DOC2A: variants seen among roughly 807,000 people sequenced by gnomAD.
The protein encoded by DOC2A is double C2-like domain-containing protein alpha.
In DOC2A, 28 loss-of-function variants were observed where a neutral mutation model predicts 40.6. The ratio of observed to expected loss-of-function variants is 0.69; its 90% CI spans 0.51 to 0.95. DOC2A has a LOEUF of 0.95. DOC2A is among the 40% of genes least tolerant of loss of function. The pLI, the probability that DOC2A is intolerant of heterozygous loss-of-function variation, is 0.00. For synonymous variants in DOC2A, 241 were observed against 236.9 expected (o/e 1.02, Z -0.16); for missense variants, 474 against 552.5 (o/e 0.86, Z 1.42).
chr16:30,007,040 A>G lies in DOC2A; in HGVS notation c.705T>C (p.Tyr235=), dbSNP rs777417275. ...CCATGAGGTGCCTCACCTCCTTCAG[A>G]TAACAGGAGATGCCCCTCAGCGCCG... ...MSAALRGISC[Y]LKELEQAEQG... is the part of the protein sequence containing the mutation. The change falls in exon 7 of 11, where the codon TAT becomes TAC. Residue 235 remains tyrosine (Y), a synonymous_variant. Coordinates refer to ENST00000350119, the MANE Select transcript of DOC2A (RefSeq NM_003586.3). The G allele has an allele frequency of 3.1e-6, 5 of 1,613,670 alleles. No individual in the cohort carries two copies. The highest frequency in any genetic ancestry group is 4.2e-6 in the Non-Finnish European group (5 of 1,179,924).
upstream of DOC2A, among the ~76,000 whole-genome samples, chr16:30,016,045 ATATATATATATTTTTTTTT>A (rs1362694984): frequency 2.6e-4 from 6 of 22,826 alleles, no homozygotes; most frequent in South Asian, 3.7e-3. Flanking sequence ...ATATATATAT[ATATATATATATTTTTTTTT>A]TTTTTTTTTT....
At chr16:30,017,987 A>T (rs1234130344) in intron 1 of DOC2A, among the ~76,000 whole-genome samples, 4 of 142,966 alleles carry the variant, frequency 2.8e-5, no homozygotes, top group Non-Finnish European at 6.1e-5. Context: ...AAGAAAGAAA[A>T]GAAAATTGAG....
In DOC2A at chr16:30,010,260, G is replaced by A. The variant is rs570428545; in HGVS notation, c.-13-25C>T. 1.2e-6 allele frequency: 2 copies of A among 1,611,072 alleles called. No individual in the cohort carries two copies. The highest frequency in any genetic ancestry group is 1.3e-5 in the African/African-American group (1 of 75,058). Reference sequence around the variant, plus strand: ...GCTAGGAGAGGGCGTGTGAGCCAGTGAGCCCATCATACCTAGCCATCCTGG... The same window carrying A: ...GCTAGGAGAGGGCGTGTGAGCCAGTAAGCCCATCATACCTAGCCATCCTGG... On this transcript the variant is annotated intron_variant, in intron 1 of 10. Coordinates refer to ENST00000350119, the MANE Select transcript of DOC2A (RefSeq NM_003586.3). The surrounding 1 kb of genome is among the most constrained non-coding windows in gnomAD (Gnocchi z 4.2).
At chr16:30,011,168 A>ACACACACGTGTGCTCGCGCGCG (rs1292622772), upstream of DOC2A, 2 of 626,780 alleles carry the variant, frequency 3.2e-6, no homozygotes, top group Non-Finnish European at 4.0e-6. Flanking sequence ...GCGAGCGCGC[A>ACACACACGTGTGCTCGCGCGCG]CACACACGTG....
Position 30,010,580 on chromosome 16 carries a change from C to A in DOC2A, c.-14+323G>T, listed in dbSNP as rs1320788766. The stretch of plus-strand genomic sequence containing the variant: ...CTGAGCCTGCCTGTCCCCCAAGGGG[C>A]CCTGCAGGGCCCCGCCTCTGTTTCT... On this transcript the variant is annotated intron_variant, in intron 1 of 10. Transcript: ENST00000350119. This position sits in a 1 kb window ranked among gnomAD's most constrained non-coding sequence, Gnocchi z 4.2. 2.8e-6 allele frequency: 1 copy of A among 352,634 alleles called. No homozygotes were observed. Among genetic ancestry groups the A allele is most frequent in the South Asian group, 2.7e-5 (1 of 36,814 alleles). The allele number at this position is 352,634 out of a possible 1,614,324, so 21.8% of individuals were successfully genotyped here.
upstream of DOC2A, among the ~76,000 whole-genome samples, chr16:30,013,778 G>A (rs921191342): frequency 1.3e-5 from 2 of 150,194 alleles, no homozygotes; most frequent in Non-Finnish European, 3.0e-5. Flanking sequence ...GCAATGGTGC[G>A]ATCTTGGCTC....
chr16:30,007,100 CAA>C lies in DOC2A; in HGVS notation c.655-12_655-11del. ...AAGAGGGGGACGCCAGCTGAGGGGG[CAA>C]AGAGAAGGTTCTGGAAGCCTGGCCT... On this transcript the variant is annotated splice_polypyrimidine_tract_variant and intron_variant, in intron 6 of 10. Coordinates refer to ENST00000350119, the MANE Select transcript of DOC2A (RefSeq NM_003586.3). 1.9e-6 allele frequency: 3 copies of C among 1,613,888 alleles called. No homozygotes were observed. Among genetic ancestry groups the C allele is most frequent in the Non-Finnish European group, 2.5e-6 (3 of 1,179,944 alleles).
intron 5 of DOC2A, 135 bp from the exon 6 acceptor site, chr16:30,007,434 G>A (rs1054847350): frequency 5.4e-5 from 70 of 1,295,150 alleles, no homozygotes; most frequent in Non-Finnish European, 7.4e-5. Flanking sequence ...ACTTGAGAAG[G>A]ACAAGCAGAT....
chr16:30,007,881 G>A (rs1344072443), intron 5 of DOC2A: 4 of 189,026 alleles, frequency 2.1e-5, no homozygotes, highest in African/African-American at 7.0e-5. Context: ...GTGACCTTGG[G>A]CAAGTCACTT....
upstream of DOC2A, among the ~76,000 whole-genome samples, chr16:30,021,941 A>G (rs549846578): frequency 6.6e-6 from 1 of 151,706 alleles, no homozygotes; most frequent in Non-Finnish European, 1.5e-5. Context: ...TCCCGTGTAT[A>G]AGGGAGGCAA....
upstream of DOC2A, chr16:30,012,298 G>C (rs770203926): frequency 6.6e-6 from 1 of 152,182 alleles, no homozygotes; most frequent in South Asian, 2.1e-4. Context: ...CTCCAGCGCC[G>C]TCAGGACTCG....
Position 30,006,530 on chromosome 16 carries a change from C to A in DOC2A, c.961-21G>T. ...AACTCCTAGGGACAAGGCCGGCCAC[C>A]CGTTCGTGAGCCAGCTCCCCAGCCC... On this transcript the variant is annotated intron_variant, in intron 9 of 10. Transcript: ENST00000350119. The surrounding 1 kb of genome is among the most constrained non-coding windows in gnomAD (Gnocchi z 6.2). The A allele has an allele frequency of 6.2e-7, 1 of 1,613,696 alleles. No individual in the cohort carries two copies. The highest frequency in any genetic ancestry group is 8.5e-7 in the Non-Finnish European group (1 of 1,179,766).
At chr16:30,015,701 C>CTT (rs71276819), upstream of DOC2A, among the ~76,000 whole-genome samples, 410 of 122,954 alleles carry the variant, frequency 3.3e-3, 2 homozygotes, top group Middle Eastern at 4.1e-3. Context: ...CTTCCTTTTT[C>CTT]TTTTTTTTTT....
At chr16:30,018,461 C>T (rs1768568529) in intron 1 of DOC2A, among the ~76,000 whole-genome samples, 1 of 152,120 alleles carries the variant, frequency 6.6e-6, no homozygotes, top group African/African-American at 2.4e-5. Flanking sequence ...TCTCGGATTA[C>T]AGGCATGAGC....
intron 6 of DOC2A, 23 bp downstream of exon 6, chr16:30,007,150 G>A (rs771202623): frequency 3.0e-5 from 49 of 1,613,596 alleles, no homozygotes; most frequent in East Asian, 6.7e-5. Context: ...CTCCCCTGGC[G>A]CCCCTGCAGC....
Position 30,010,367 on chromosome 16 carries a change from G to T in DOC2A, c.-13-132C>A. The T allele has an allele frequency of 7.8e-7, 1 of 1,274,240 alleles. No individual in the cohort carries two copies. The highest frequency in any genetic ancestry group is 1.1e-6 in the Non-Finnish European group (1 of 898,168). 78.9% of individuals were successfully genotyped at this position (1,274,240 alleles called of 1,614,324 possible). A position where few individuals can be genotyped will look rare whatever the true frequency, so the allele number is the denominator to read the frequency against. ...TAGGTGTCGAGGGAGAGGGTGGTGT[G>T]TGCCAGCCGGTGGCAGGTGGGAGGC... On this transcript the variant is annotated intron_variant, in intron 1 of 10. Transcript: ENST00000350119. This position sits in a 1 kb window ranked among gnomAD's most constrained non-coding sequence, Gnocchi z 4.2.
chr16:30,023,204 TCTC>T (rs1157016397), upstream of DOC2A: 7 of 719,898 alleles, frequency 9.7e-6, no homozygotes, highest in South Asian at 8.4e-5. Context: ...CAACCTCTCT[TCTC>T]CTCTCCTCTT....
At position 30,007,033 on chromosome 16, in the gene DOC2A, C is replaced by T. The variant is rs2070630305; in HGVS notation, c.712G>A (p.Glu238Lys). 6.2e-7 allele frequency: 1 copy of T among 1,613,892 alleles called. No individual in the cohort carries two copies. The highest frequency in any genetic ancestry group is 1.3e-5 in the African/African-American group (1 of 74,956). The change falls in exon 7 of 11, where the codon GAG (glutamate) becomes AAG (lysine). Residue 238 changes from glutamate to lysine, a missense_variant and splice_region_variant. Physicochemically the swap from Glu to Lys is moderately conservative, Grantham distance 56. Transcript: ENST00000350119. ...CCCATCCCCATGAGGTGCCTCACCT[C>T]CTTCAGATAACAGGAGATGCCCCTC... is the stretch of plus-strand genomic sequence containing the variant. Reference protein sequence around the residue: ...ALRGISCYLKELEQAEQGQGL... With the variant: ...ALRGISCYLKKLEQAEQGQGL...
rs1421462523 is a variant in DOC2A at position 30,009,015 on chromosome 16, TGTC to T, written c.505_507del (p.Asp169del). On this transcript the variant is annotated inframe_deletion, in exon 5 of 11. Coordinates refer to ENST00000350119, the MANE Select transcript of DOC2A (RefSeq NM_003586.3). The surrounding 1 kb of genome is among the most constrained non-coding windows in gnomAD (Gnocchi z 4.1). ...CCTCACCTGAGCACCTTGTGCGTGA[TGTC>T]GTCATCTGTGATCCCGCTGTAAGTC... 1.2e-6 allele frequency: 2 copies of T among 1,613,592 alleles called. No individual in the cohort carries two copies. Among genetic ancestry groups the T allele is most frequent in the Admixed American group, 1.7e-5 (1 of 60,016 alleles).
Sources: gnomAD v4.1 joint callset for allele counts (sites outside exome capture counted in the v4.1 genomes callset) on GRCh38, gnomAD v4.1.1 for gene constraint, Gnocchi (gnomAD v3.1) non-coding constraint, MANE v1.5 for transcripts, NCBI Gene and HGNC (gene_info 2026-07-23, HGNC 2026-07-21) for gene names.